MAP4: variants seen among roughly 807,000 people sequenced by gnomAD.
MAP4 encodes the protein microtubule-associated protein 4.
In MAP4, 76 loss-of-function variants were observed where a neutral mutation model predicts 170.2. The observed-to-expected ratio is 0.45, with a 90% CI of 0.37 to 0.54. The LOEUF (loss-of-function observed/expected upper bound fraction) is 0.54, where lower values mean the gene tolerates loss of function less well. MAP4 is among the 20% of genes least tolerant of loss of function. The pLI is 0.00. For synonymous variants in MAP4, 909 were observed against 994.5 expected (o/e 0.91, Z 1.62); for missense variants, 2,506 against 2,748.0 (o/e 0.91, Z 1.97).
At chr3:48,025,975 C>T (rs1008944336) in intron 1 of MAP4, among the ~76,000 whole-genome samples, 2 of 149,796 alleles carry the variant, frequency 1.3e-5, no homozygotes, top group Non-Finnish European at 3.0e-5. Context: ...GGCTCCTGGA[C>T]TATTGTCATT....
At chr3:48,013,408 A>T (rs1275421948) in intron 1 of MAP4, 1 of 152,170 alleles carries the variant, frequency 6.6e-6, no homozygotes, top group Non-Finnish European at 1.5e-5. Context: ...AAGAGTCAAG[A>T]GAATTTGAAA....
chr3:47,898,494 C>T (rs375962868), intron 10 of MAP4, among the ~76,000 whole-genome samples: 328 of 149,776 alleles, frequency 2.2e-3, no homozygotes, highest in African/African-American at 7.8e-3. Context: ...GGGCGAGACT[C>T]CGCCTCAAAA....
intron 1 of MAP4, among the ~76,000 whole-genome samples, chr3:48,038,405 A>G (rs1183541846): frequency 6.6e-6 from 1 of 152,104 alleles, no homozygotes; most frequent in East Asian, 1.9e-4. Flanking sequence ...TATATAAATG[A>G]AACAGAAGTT....
At position 47,867,113 on chromosome 3, in the gene MAP4, G is replaced by A. The variant is rs977550398; in HGVS notation, c.6501+133C>T. The A allele has an allele frequency of 3.9e-5, 24 of 620,454 alleles. No individual in the cohort carries two copies. In the East Asian group the frequency reaches 6.4e-4, roughly 16 times the overall value. 38.4% of individuals were successfully genotyped at this position (620,454 alleles called of 1,614,324 possible). A position where few individuals can be genotyped will look rare whatever the true frequency, so the allele number is the denominator to read the frequency against. On this transcript the variant is annotated intron_variant, in intron 17 of 20. Transcript: ENST00000683076. ...GGGAGCATCAAGGTCCCCTCACTTT[G>A]CTAGTCTGCTTCTTACAGAACGCTA...
At chr3:47,869,846 G>A (rs927192124) in intron 15 of MAP4, among the ~76,000 whole-genome samples, 1 of 152,098 alleles carries the variant, frequency 6.6e-6, no homozygotes, top group Non-Finnish European at 1.5e-5. Context: ...GAAACCATAA[G>A]AGCAAAGACG....
At chr3:48,020,353 C>T (rs369439773), upstream of MAP4, among the ~76,000 whole-genome samples, 7 of 152,334 alleles carry the variant, frequency 4.6e-5, no homozygotes, top group African/African-American at 1.2e-4. Context: ...CTGCTAGGTG[C>T]GCTCTGCTCC....
At chr3:47,929,803 C>T (rs563909020) in intron 3 of MAP4, among the ~76,000 whole-genome samples, 4 of 151,638 alleles carry the variant, frequency 2.6e-5, no homozygotes, top group African/African-American at 9.7e-5. Context: ...AAATGGGACA[C>T]CATGAAAATT....
At chr3:47,958,682 ATT>A (rs769235654) in intron 3 of MAP4, among the ~76,000 whole-genome samples, 119 of 121,432 alleles carry the variant, frequency 9.8e-4, no homozygotes, top group Middle Eastern at 4.6e-3. Flanking sequence ...CACCCGGCTA[ATT>A]TTTTTTTTTT....
At chr3:47,908,975 T>C in intron 9 of MAP4, 63 bp downstream of exon 9, 2 of 1,527,254 alleles carry the variant, frequency 1.3e-6, no homozygotes, top group Non-Finnish European at 8.8e-7. Context: ...CACAAGCTCT[T>C]TGCCTTTCTG....
In MAP4 at chr3:47,952,905, C is replaced by T. The variant is rs149471482; in HGVS notation, c.293-24555G>A. On this transcript the variant is annotated intron_variant, in intron 3 of 20. Transcript: ENST00000683076. ...CACCATTACACTCTAGCCTGAGTGA[C>T]AGAGCAAGACTCCATCTCAAAAAAT... Among the ~76,000 whole-genome samples, 50 of 151,706 alleles carry T rather than the reference C, an allele frequency of 3.3e-4. No individual in the cohort carries two copies. In the East Asian group the frequency reaches 6.8e-3, roughly 21 times the overall value.
intron 3 of MAP4, among the ~76,000 whole-genome samples, chr3:47,946,654 C>CAAAAAA (rs11427271): frequency 9.6e-4 from 39 of 40,718 alleles, no homozygotes; most frequent in East Asian, 2.7e-3. Context: ...AACTCCGTCT[C>CAAAAAA]AAAAAAAAAA....
chr3:47,910,015 GCTAT>G lies in MAP4; in HGVS notation c.4402_4405del (p.Ile1468ProfsTer9). ...TAATGATTTGGAAATCTGGGCTGGG[GCTAT>G]CTCTTGCCCATTTTTTGCCAAGGTA... On this transcript the variant is annotated frameshift_variant, in exon 9 of 21. Transcript: ENST00000683076. LOFTEE classifies it high-confidence loss of function. 1 of 1,613,980 alleles carries G rather than the reference GCTAT, an allele frequency of 6.2e-7. No individual in the cohort carries two copies. Among genetic ancestry groups the G allele is most frequent in the Non-Finnish European group, 8.5e-7 (1 of 1,179,878 alleles).
chr3:48,047,238 C>T (rs1477587848), intron 1 of MAP4, among the ~76,000 whole-genome samples: 1 of 151,914 alleles, frequency 6.6e-6, no homozygotes, highest in Admixed American at 6.6e-5. Flanking sequence ...CTGTAGAGTG[C>T]TTAGTCTTCC....
chr3:47,906,230 T>C (rs1483234240), intron 9 of MAP4, among the ~76,000 whole-genome samples: 2 of 152,038 alleles, frequency 1.3e-5, no homozygotes, highest in Non-Finnish European at 1.5e-5. Flanking sequence ...CCATCAAAAT[T>C]ATGAATACAT....
At chr3:48,035,190 GAAAAA>G (rs71625848) in intron 1 of MAP4, among the ~76,000 whole-genome samples, 1 of 84,040 alleles carries the variant, frequency 1.2e-5, no homozygotes, top group Non-Finnish European at 2.2e-5. Flanking sequence ...TGATTTGTAT[GAAAAA>G]AAAAAAAAAA....
At chr3:48,004,576 A>G (rs569640594) in intron 1 of MAP4, among the ~76,000 whole-genome samples, 139 of 152,322 alleles carry the variant, frequency 9.1e-4, no homozygotes, top group African/African-American at 3.2e-3. Flanking sequence ...TCCTGTTGAG[A>G]AAGAGCTGAA....
intron 2 of MAP4, among the ~76,000 whole-genome samples, chr3:47,996,868 G>T (rs2100096017): frequency 6.6e-6 from 1 of 152,048 alleles, no homozygotes; most frequent in African/African-American, 2.4e-5. Context: ...AGTAGAAAAG[G>T]TGGAAAACAT....
chr3:47,898,057 C>T (rs1245607837), intron 10 of MAP4, among the ~76,000 whole-genome samples: 1 of 152,044 alleles, frequency 6.6e-6, no homozygotes, highest in Non-Finnish European at 1.5e-5. Flanking sequence ...CTTAAGAGAA[C>T]TTAGATTTAT....
intron 3 of MAP4, among the ~76,000 whole-genome samples, chr3:47,953,549 A>G (rs921363303): frequency 6.6e-6 from 1 of 152,130 alleles, no homozygotes; most frequent in Non-Finnish European, 1.5e-5. Context: ...CTTTCTTTAA[A>G]AAAGAGTCCA....
Sources: allele counts gnomAD v4.1 joint callset (sites outside exome capture counted in the v4.1 genomes callset), GRCh38; gene constraint gnomAD v4.1.1; transcripts MANE v1.5; gene names NCBI Gene and HGNC (gene_info 2026-07-23, HGNC 2026-07-21).